STAB2: variants seen among roughly 807,000 people sequenced by gnomAD.
STAB2 encodes stabilin-2.
A neutral mutation model predicts 338.1 loss-of-function variants in STAB2; 288 were observed. The ratio of observed to expected loss-of-function variants is 0.85; its 90% CI spans 0.77 to 0.94. The LOEUF (loss-of-function observed/expected upper bound fraction) is 0.94. Ranked by LOEUF, STAB2 falls within the 40% of genes least tolerant of loss-of-function variation. The pLI is 0.00. For synonymous variants in STAB2, 1,202 were observed against 1,193.3 expected (o/e 1.01, Z -0.15); for missense variants, 3,141 against 3,210.1 (o/e 0.98, Z 0.52).
At chr12:103,704,879 A>G in intron 36 of STAB2, 1 of 300,450 alleles carries the variant, frequency 3.3e-6, no homozygotes, top group Non-Finnish European at 6.1e-6. Context: ...TTCATATCCT[A>G]GTAGCCAGTT....
chr12:103,739,270 C>T, intron 53 of STAB2, 142 bp from the exon 54 acceptor site: 1 of 700,784 alleles, frequency 1.4e-6, no homozygotes, highest in Non-Finnish European at 2.1e-6. Context: ...AGCCACCATG[C>T]CTGGCCTGTT....
At chr12:103,710,364 GA>G (rs1424974048) in intron 39 of STAB2, among the ~76,000 whole-genome samples, 1 of 152,114 alleles carries the variant, frequency 6.6e-6, no homozygotes, top group Non-Finnish European at 1.5e-5. Flanking sequence ...TTAGTAAAAG[GA>G]AAAATTGTGG....
At chr12:103,755,281 G>A in intron 61 of STAB2, 21 bp from the exon 62 acceptor site, 1 of 1,611,832 alleles carries the variant, frequency 6.2e-7, no homozygotes, top group Non-Finnish European at 8.5e-7. Flanking sequence ...CTGACCCATG[G>A]CCCTGTCTGT....
At chr12:103,696,673 G>A (rs1318500117) in intron 33 of STAB2, among the ~76,000 whole-genome samples, 1 of 152,172 alleles carries the variant, frequency 6.6e-6, no homozygotes, top group Non-Finnish European at 1.5e-5. Flanking sequence ...TAGAGAAGGG[G>A]AGAAGAGGAG....
At chr12:103,748,631 C>T (rs906234516) in intron 58 of STAB2, among the ~76,000 whole-genome samples, 26 of 79,458 alleles carry the variant, frequency 3.3e-4, no homozygotes, top group Non-Finnish European at 4.6e-4. Context: ...CACACACACA[C>T]ACACACACAC....
At chr12:103,588,236 T>C (rs1956742655) in intron 1 of STAB2, among the ~76,000 whole-genome samples, 1 of 152,240 alleles carries the variant, frequency 6.6e-6, no homozygotes, top group South Asian at 2.1e-4. Flanking sequence ...ACCAATTTTA[T>C]TACAGTTGGC....
chr12:103,594,658 T>C (rs777397229), intron 3 of STAB2, 148 bp downstream of exon 3: 23 of 646,816 alleles, frequency 3.6e-5, no homozygotes, highest in Non-Finnish European at 5.1e-5. Flanking sequence ...AAAATCTTTC[T>C]TGCCCTGTTA....
chr12:103,663,425 C>T (rs1874796381), intron 18 of STAB2, among the ~76,000 whole-genome samples: 2 of 152,132 alleles, frequency 1.3e-5, no homozygotes, highest in South Asian at 4.1e-4. Context: ...CAATTCTTGG[C>T]ATTCCGTGGC....
intron 43 of STAB2, among the ~76,000 whole-genome samples, chr12:103,717,065 G>C (rs1203781734): frequency 6.6e-6 from 1 of 152,190 alleles, no homozygotes; most frequent in African/African-American, 2.4e-5. Context: ...CTGCTACATA[G>C]GAGGCCCTTG....
Position 103,617,957 on chromosome 12 carries a change from C to A in STAB2, c.332-2511C>A, listed in dbSNP as rs697198. On this transcript the variant is annotated intron_variant, in intron 3 of 68. Transcript: ENST00000388887. ...TGCAGGAAGGAAATGGAAGGAGCCC[C>A]AGAGAAAACCATCTACAGATGGATA... is the stretch of plus-strand genomic sequence containing the variant. Among the ~76,000 whole-genome samples the A allele has an allele frequency of 1.3e-4, 20 of 152,320 alleles. No individual in the cohort carries two copies. The Middle Eastern group carries it at 0.01, about 78-fold the overall frequency.
chr12:103,695,873 G>A (rs1226283917), intron 33 of STAB2, 29 bp downstream of exon 33: 4 of 1,601,594 alleles, frequency 2.5e-6, no homozygotes, highest in Non-Finnish European at 8.6e-7. Context: ...AACTAGGGAA[G>A]TTATTTTGTG....
intron 34 of STAB2, among the ~76,000 whole-genome samples, chr12:103,700,473 GTCTT>G (rs1203748021): frequency 3.9e-5 from 6 of 152,142 alleles, no homozygotes; most frequent in East Asian, 1.9e-4. Flanking sequence ...GGGGAAAAAA[GTCTT>G]TCTGACTCTT....
At chr12:103,660,255 A>C (rs982008820) in intron 15 of STAB2, 76 bp from the exon 16 acceptor site, 3 of 1,458,972 alleles carry the variant, frequency 2.1e-6, no homozygotes, top group Middle Eastern at 1.7e-4. Flanking sequence ...GTCTAACGTC[A>C]TTTGAAGAGG....
chr12:103,612,944 G>C (rs1037554204), intron 3 of STAB2, among the ~76,000 whole-genome samples: 3 of 152,168 alleles, frequency 2.0e-5, no homozygotes, highest in Non-Finnish European at 4.4e-5. Context: ...GAGTTTGCTG[G>C]AGGTCCACTC....
At chr12:103,652,233 C>T (rs1873796642) in intron 11 of STAB2, among the ~76,000 whole-genome samples, 1 of 152,196 alleles carries the variant, frequency 6.6e-6, no homozygotes, top group South Asian at 2.1e-4. Context: ...TTCCTTGTTC[C>T]TCCTGGGGCC....
chr12:103,696,210 TGAAACCACATGGA>T (rs1360342684), intron 33 of STAB2, among the ~76,000 whole-genome samples: 2 of 152,110 alleles, frequency 1.3e-5, no homozygotes, highest in African/African-American at 4.8e-5. Flanking sequence ...GCCCGAGTGA[TGAAACCACATGGA>T]GAAACCACAT....
In STAB2 at chr12:103,650,593, T is replaced by A. The variant is rs752379841; in HGVS notation, c.1257+15T>A. 2 of 1,609,106 alleles carry A rather than the reference T, an allele frequency of 1.2e-6. No individual in the cohort carries two copies. Among genetic ancestry groups the A allele is most frequent in the South Asian group, 2.2e-5 (2 of 90,934 alleles). On this transcript the variant is annotated intron_variant, in intron 11 of 68. Coordinates refer to ENST00000388887, the MANE Select transcript of STAB2 (RefSeq NM_017564.10). The stretch of plus-strand genomic sequence containing the variant: ...AAGGATTCAATGTGAGTATTTAAAA[T>A]GACCCTACACCAAGGGGCTAATATG...
At chr12:103,710,770 C>T (rs1410685272) in intron 39 of STAB2, among the ~76,000 whole-genome samples, 2 of 152,172 alleles carry the variant, frequency 1.3e-5, no homozygotes, top group African/African-American at 2.4e-5. Flanking sequence ...GTTTCAGGAC[C>T]TCCTGTATGA....
At chr12:103,632,055 A>G (rs967496185) in intron 6 of STAB2, among the ~76,000 whole-genome samples, 3 of 152,152 alleles carry the variant, frequency 2.0e-5, no homozygotes, top group African/African-American at 7.2e-5. Context: ...GCATCTTCTC[A>G]ATTATGAGCC....
Sources: allele counts gnomAD v4.1 joint callset (sites outside exome capture counted in the v4.1 genomes callset), GRCh38; gene constraint gnomAD v4.1.1; transcripts MANE v1.5; gene names NCBI Gene and HGNC (gene_info 2026-07-23, HGNC 2026-07-21).